Variants in HMGCLL1 observed in about 807,000 individuals in gnomAD.
HMGCLL1 encodes the protein 3-hydroxymethyl-3-methylglutaryl-CoA lyase, cytoplasmic.
In HMGCLL1, 36 loss-of-function variants were observed where a neutral mutation model predicts 39.1. The observed-to-expected ratio is 0.92, with a 90% confidence interval of 0.71 to 1.22. The LOEUF (loss-of-function observed/expected upper bound fraction) is 1.22. HMGCLL1 is among the 50% of genes most tolerant of loss of function. HMGCLL1 has a pLI of 0.00. For missense variants in HMGCLL1, 451 were observed against 416.5 expected (o/e 1.08, Z -0.72); for synonymous variants, 149 against 144.0 (o/e 1.03, Z -0.25).
At chr6:55,606,656 T>G in the HMGCLL1 span, among the ~76,000 whole-genome samples, 4 of 152,326 alleles carry the variant, frequency 2.6e-5, no homozygotes, top group South Asian at 8.3e-4. Flanking sequence ...TAATTCATGC[T>G]AAAATTAGTT....
intron 5 of HMGCLL1, among the ~76,000 whole-genome samples, chr6:55,505,944 A>T (rs1001955817): frequency 7.9e-5 from 12 of 151,770 alleles, no homozygotes; most frequent in African/African-American, 2.9e-4. Context: ...CATTTGCTTA[A>T]AATTTTGTAA....
At chr6:55,649,891 C>T in the HMGCLL1 span, among the ~76,000 whole-genome samples, 1 of 151,002 alleles carries the variant, frequency 6.6e-6, no homozygotes, top group Middle Eastern at 3.4e-3. Flanking sequence ...AATTTTTCAG[C>T]CTGTCAGTTG....
the HMGCLL1 span, among the ~76,000 whole-genome samples, chr6:55,614,508 C>T: frequency 1.3e-5 from 2 of 152,060 alleles, no homozygotes; most frequent in African/African-American, 4.8e-5. Context: ...TTAGTTATAG[C>T]GGCCCAAGCT....
chr6:55,609,461 T>A, the HMGCLL1 span, among the ~76,000 whole-genome samples: 14 of 152,184 alleles, frequency 9.2e-5, no homozygotes, highest in Non-Finnish European at 1.8e-4. Context: ...CCATTCCTTC[T>A]CACTGGGTGG....
In HMGCLL1 at chr6:55,435,328, T is replaced by C. The variant is rs1440947477; in HGVS notation, c.*334A>G. On this transcript the variant is annotated 3_prime_UTR_variant, in exon 9 of 9. Coordinates refer to ENST00000274901, the MANE Select transcript of HMGCLL1 (RefSeq NM_001042406.2). ...ACAGTGTTAAGCCTGCTTGATTAAG[T>C]ATTAACACAGTATTTGATACTTGGG... 5.2e-6 allele frequency: 1 copy of C among 193,416 alleles called. No homozygotes were observed. 12.0% of individuals were successfully genotyped at this position (193,416 alleles called of 1,614,324 possible).
At chr6:55,508,288 T>C in intron 5 of HMGCLL1, among the ~76,000 whole-genome samples, 1 of 151,872 alleles carries the variant, frequency 6.6e-6, no homozygotes, top group Non-Finnish European at 1.5e-5. Flanking sequence ...TCTGGTTAGA[T>C]ATTTCCAAGG....
chr6:55,579,736 G>C (rs1367011254), upstream of HMGCLL1, among the ~76,000 whole-genome samples: 2 of 152,154 alleles, frequency 1.3e-5, no homozygotes, highest in Non-Finnish European at 2.9e-5. Context: ...GCGGTTAAGC[G>C]CTGAAATGGA....
chr6:55,474,436 T>C (rs1445484054), intron 7 of HMGCLL1, among the ~76,000 whole-genome samples: 1 of 151,600 alleles, frequency 6.6e-6, no homozygotes, highest in East Asian at 1.9e-4. Flanking sequence ...GCATTCTTCA[T>C]TTCTATTAGT....
At chr6:55,461,014 A>G (rs975507766) in intron 7 of HMGCLL1, among the ~76,000 whole-genome samples, 1 of 151,860 alleles carries the variant, frequency 6.6e-6, no homozygotes, top group African/African-American at 2.4e-5. Context: ...TTTTATTAAG[A>G]CTCTTTGCCC....
chr6:55,573,108 G>A (rs1771599907), intron 1 of HMGCLL1, among the ~76,000 whole-genome samples: 1 of 152,130 alleles, frequency 6.6e-6, no homozygotes, highest in Admixed American at 6.6e-5. Flanking sequence ...TAGGACCTCT[G>A]AATGACTGCA....
At chr6:55,477,488 A>T (rs1436764952) in intron 7 of HMGCLL1, among the ~76,000 whole-genome samples, 1 of 74,698 alleles carries the variant, frequency 1.3e-5, no homozygotes, top group African/African-American at 4.6e-5. Flanking sequence ...ATTATATTAC[A>T]TATACATATT....
chr6:55,503,266 G>C (rs139446527), intron 5 of HMGCLL1, among the ~76,000 whole-genome samples: 1,893 of 151,934 alleles, frequency 0.012, 29 homozygotes, highest in African/African-American at 0.043. Flanking sequence ...TAGCTGGCAT[G>C]GATCTCAATG....
chr6:55,501,188 T>TGC (rs1766861988), intron 5 of HMGCLL1, among the ~76,000 whole-genome samples: 1 of 151,906 alleles, frequency 6.6e-6, no homozygotes, highest in Non-Finnish European at 1.5e-5. Flanking sequence ...CGCATGCGGC[T>TGC]ACTTTCTCCA....
At chr6:55,586,797 G>A in the HMGCLL1 span, among the ~76,000 whole-genome samples, 25 of 151,864 alleles carry the variant, frequency 1.6e-4, no homozygotes, top group Non-Finnish European at 2.9e-4. Context: ...CCAGTCTATC[G>A]TTGGACATTT....
At chr6:55,506,494 T>C (rs774803418) in intron 5 of HMGCLL1, among the ~76,000 whole-genome samples, 1 of 151,672 alleles carries the variant, frequency 6.6e-6, no homozygotes, top group Non-Finnish European at 1.5e-5. Flanking sequence ...CAGTCAACCA[T>C]GGTCTGAAAA....
chr6:55,581,205 A>T (rs564932912), upstream of HMGCLL1, among the ~76,000 whole-genome samples: 12 of 151,834 alleles, frequency 7.9e-5, 1 homozygote, highest in South Asian at 2.3e-3. Flanking sequence ...AAAAAAAATT[A>T]TTGCTTAATC....
chr6:55,543,389 A>G lies in HMGCLL1; in HGVS notation c.109-1249T>C, dbSNP rs1293792208. ...ATATTATATATATTATATGATATAT[A>G]ATATCTCATATATAATATAAAATCA... On this transcript the variant is annotated intron_variant, in intron 1 of 8. Coordinates refer to ENST00000274901, the MANE Select transcript of HMGCLL1 (RefSeq NM_001042406.2). Among the ~76,000 whole-genome samples the G allele has an allele frequency of 3.6e-5, 3 of 82,604 alleles. 1 individual carries two copies. Among genetic ancestry groups the G allele is most frequent in the Non-Finnish European group, 6.3e-5 (3 of 47,682 alleles). 54.2% of individuals were successfully genotyped at this position (82,604 alleles called of 152,430 possible).
intron 3 of HMGCLL1, among the ~76,000 whole-genome samples, chr6:55,539,195 G>A (rs192271584): frequency 1.3e-5 from 2 of 152,220 alleles, no homozygotes; most frequent in African/African-American, 2.4e-5. Flanking sequence ...AGGAAAAAAC[G>A]TGGCCAGGTA....
At chr6:55,607,943 A>G in the HMGCLL1 span, among the ~76,000 whole-genome samples, 1 of 152,162 alleles carries the variant, frequency 6.6e-6, no homozygotes, top group African/African-American at 2.4e-5. Context: ...AAAACACACT[A>G]AAACCCTTTG....
Sources: gnomAD v4.1 joint callset for allele counts (sites outside exome capture counted in the v4.1 genomes callset) on GRCh38, gnomAD v4.1.1 for gene constraint, MANE v1.5 for transcripts, NCBI Gene and HGNC (gene_info 2026-07-23, HGNC 2026-07-21) for gene names.